COL4A2: variants seen among roughly 807,000 people sequenced by gnomAD.
COL4A2 encodes the protein collagen alpha-2(IV) chain.
Under a neutral mutation model 200.2 loss-of-function variants are expected in COL4A2, and 99 were observed. That is an observed-to-expected ratio of 0.49 (90% CI 0.42 to 0.58). The LOEUF (loss-of-function observed/expected upper bound fraction) is 0.58. Ranked by LOEUF, COL4A2 falls within the 20% of genes least tolerant of loss-of-function variation. The probability of loss-of-function intolerance (pLI) is 0.00; values close to 1 mark genes in which losing one functional copy is unlikely to be tolerated. For missense variants in COL4A2, 1,950 were observed against 2,314.1 expected, an observed-to-expected ratio of 0.84 and a Z score of 3.23; for synonymous variants, 897 against 900.6, an observed-to-expected ratio of 1.00 and a Z score of 0.07.
chr13:110,342,655 C>T lies in COL4A2; in HGVS notation c.100-14817C>T, dbSNP rs191439466. Among the ~76,000 whole-genome samples, 10 of 152,288 alleles carry T rather than the reference C, an allele frequency of 6.6e-5. No individual in the cohort carries two copies. In the East Asian group the frequency reaches 1.9e-3, roughly 29 times the overall value. On this transcript the variant is annotated intron_variant, in intron 3 of 47. Transcript: ENST00000360467. ...TCTACCCATTTTTTAAATGAGGACC[C>T]TGCAGGGCATGTGGGATGAGCATTC... is the stretch of plus-strand genomic sequence containing the variant.
chr13:110,462,284 G>A lies in COL4A2; in HGVS notation c.1676G>A (p.Arg559Gln), dbSNP rs199574157. Residue 559 changes from arginine to glutamine, a missense_variant, in exon 24 of 48, where the codon CGG (arginine) becomes CAG (glutamine). Around this residue, in one of 2 missense-constraint regions of COL4A2, gnomAD observed 1,385 missense variants for 1,720.5 expected, o/e 0.80. Coordinates refer to ENST00000360467, the MANE Select transcript of COL4A2 (RefSeq NM_001846.4). The stretch of plus-strand genomic sequence containing the variant: ...CATGCAAATCCCTTTCTAGGTGAGC[G>A]GGGACAGCCCGGCGTCCCAGGTGTG... The part of the protein sequence containing the change: ...DSRTITTKGE[R>Q]GQPGVPGVPG... The A allele has an allele frequency of 1.5e-5, 25 of 1,614,200 alleles. No individual in the cohort carries two copies. The highest frequency in any genetic ancestry group is 9.9e-5 in the South Asian group (9 of 91,084).
intron 2 of COL4A2, 28 bp from the exon 3 acceptor site, chr13:110,308,041 C>T (rs754009010): frequency 6.2e-7 from 1 of 1,613,210 alleles, no homozygotes; most frequent in Non-Finnish European, 8.5e-7. Context: ...CGCACGTTCA[C>T]GTCTCTCTTC....
Position 110,462,153 on chromosome 13 carries a change from G to T in COL4A2, c.1636G>T (p.Ala546Ser), listed in dbSNP as rs1027800650. The T allele has an allele frequency of 5.0e-6, 8 of 1,614,276 alleles. No homozygotes were observed. Among genetic ancestry groups the T allele is most frequent in the Non-Finnish European group, 6.8e-6 (8 of 1,180,054 alleles). ...CATTGGTGCTCCCGGACCCAAAGGAGCAAAAGGAGATTCCAGAACAATCAC... is the reference window on the plus strand; with the variant it reads ...CATTGGTGCTCCCGGACCCAAAGGATCAAAAGGAGATTCCAGAACAATCAC... ...GNIGAPGPKG[A>S]KGDSRTITTK... The change falls in exon 23 of 48, where the codon GCA becomes TCA. Residue 546 changes from alanine (A) to serine (S), a missense_variant. Around this residue, in one of 2 missense-constraint regions of COL4A2, gnomAD observed 1,385 missense variants for 1,720.5 expected, o/e 0.80. Coordinates refer to ENST00000360467, the MANE Select transcript of COL4A2 (RefSeq NM_001846.4).
chr13:110,501,594 T>G, intron 40 of COL4A2, 74 bp from the exon 41 acceptor site: 4 of 1,234,580 alleles, frequency 3.2e-6, no homozygotes, highest in East Asian at 2.4e-5. Context: ...CAGGTGATGG[T>G]GTGGAGGGAA....
chr13:110,419,164 A>G (rs1401403917), intron 4 of COL4A2, among the ~76,000 whole-genome samples: 3 of 152,178 alleles, frequency 2.0e-5, no homozygotes, highest in Non-Finnish European at 4.4e-5. Flanking sequence ...TGGAGAGGAT[A>G]TGGGCGTCTG....
At chr13:110,443,875 A>G (rs538797573) in intron 16 of COL4A2, among the ~76,000 whole-genome samples, 1 of 152,262 alleles carries the variant, frequency 6.6e-6, no homozygotes, top group African/African-American at 2.4e-5. Flanking sequence ...TGTGTTTGCC[A>G]CTGAGAAACA....
intron 18 of COL4A2, 149 bp from the exon 19 acceptor site, chr13:110,449,530 A>G: frequency 1.5e-6 from 1 of 665,380 alleles, no homozygotes; most frequent in Admixed American, 3.6e-5. Flanking sequence ...AAGAGAGACC[A>G]CCCCATGTAT....
chr13:110,453,378 G>A (rs888586455), intron 20 of COL4A2, among the ~76,000 whole-genome samples: 2 of 152,174 alleles, frequency 1.3e-5, no homozygotes, highest in East Asian at 3.9e-4. Flanking sequence ...GTGCATGCCT[G>A]TAATCCCAGT....
chr13:110,367,690 T>C (rs974493970), intron 4 of COL4A2, among the ~76,000 whole-genome samples: 1 of 152,244 alleles, frequency 6.6e-6, no homozygotes, highest in Admixed American at 6.5e-5. Flanking sequence ...CCGTGGCCTT[T>C]GAGGACTGAT....
At chr13:110,404,369 C>G (rs1341640122) in intron 4 of COL4A2, among the ~76,000 whole-genome samples, 1 of 152,174 alleles carries the variant, frequency 6.6e-6, no homozygotes, top group African/African-American at 2.4e-5. Flanking sequence ...ATATACTCAG[C>G]GAACATGCTG....
intron 4 of COL4A2, among the ~76,000 whole-genome samples, chr13:110,363,163 G>A (rs968285340): frequency 1.3e-5 from 2 of 152,248 alleles, no homozygotes; most frequent in Admixed American, 6.5e-5. Flanking sequence ...GAACGAGTGA[G>A]TGGAGGCCTC....
chr13:110,320,130 G>C (rs1885239391), intron 3 of COL4A2, among the ~76,000 whole-genome samples: 1 of 152,238 alleles, frequency 6.6e-6, no homozygotes, highest in South Asian at 2.1e-4. Flanking sequence ...TCCACCCGAA[G>C]GTTCTGGTTC....
chr13:110,375,458 T>A (rs938260815), intron 4 of COL4A2, among the ~76,000 whole-genome samples: 4 of 152,032 alleles, frequency 2.6e-5, no homozygotes, highest in African/African-American at 7.3e-5. Flanking sequence ...GACTGTTGGG[T>A]TTGTGGGCGA....
chr13:110,366,630 A>G (rs1877765831), intron 4 of COL4A2, among the ~76,000 whole-genome samples: 1 of 152,120 alleles, frequency 6.6e-6, no homozygotes, highest in Non-Finnish European at 1.5e-5. Flanking sequence ...TGCCACCTAA[A>G]TGCTGCATGC....
chr13:110,363,696 G>C (rs1439793577), intron 4 of COL4A2, among the ~76,000 whole-genome samples: 3 of 152,116 alleles, frequency 2.0e-5, no homozygotes, highest in Non-Finnish European at 4.4e-5. Flanking sequence ...GGAGAGCAGC[G>C]GTCTTGCCAA....
chr13:110,379,921 C>T (rs924533625), intron 4 of COL4A2, among the ~76,000 whole-genome samples: 1 of 152,138 alleles, frequency 6.6e-6, no homozygotes, highest in Non-Finnish European at 1.5e-5. Flanking sequence ...CCTCCTCCAC[C>T]TGCCTCCTCT....
At chr13:110,360,884 C>T (rs57583980) in intron 4 of COL4A2, among the ~76,000 whole-genome samples, 8,465 of 151,684 alleles carry the variant, frequency 0.056, 820 homozygotes, top group African/African-American at 0.19. Flanking sequence ...CTGGGTGCTG[C>T]GTGATGCTTG....
intron 12 of COL4A2, among the ~76,000 whole-genome samples, chr13:110,435,546 AC>A (rs1440645321): frequency 6.6e-6 from 1 of 152,176 alleles, no homozygotes; most frequent in Non-Finnish European, 1.5e-5. Context: ...TCTGCAGCTG[AC>A]CCATCATCTC....
chr13:110,440,605 A>G (rs1435333553), intron 16 of COL4A2, among the ~76,000 whole-genome samples: 1 of 152,192 alleles, frequency 6.6e-6, no homozygotes, highest in Non-Finnish European at 1.5e-5. Context: ...ATAAAATAAT[A>G]ATAATAATGA....
Sources: gnomAD v4.1 joint callset for allele counts (sites outside exome capture counted in the v4.1 genomes callset) on GRCh38, gnomAD v4.1.1 for gene constraint, gnomAD v4.1.1 regional missense constraint, MANE v1.5 for transcripts, NCBI Gene and HGNC (gene_info 2026-07-23, HGNC 2026-07-21) for gene names.